Variants in CLK3 observed in about 807,000 individuals in gnomAD.
CLK3 encodes dual specificity protein kinase CLK3.
CLK3 carries 24 observed loss-of-function variants against 65.2 expected under a neutral mutation model. The ratio of observed to expected loss-of-function variants is 0.37; its 90% confidence interval spans 0.27 to 0.52. CLK3 has a LOEUF of 0.52. CLK3 is among the 20% of genes least tolerant of loss of function. The pLI, the probability that CLK3 is intolerant of heterozygous loss-of-function variation, is 0.92. For synonymous variants in CLK3, 252 were observed against 240.8 expected, an observed-to-expected ratio of 1.05 and a Z score of -0.43; for missense variants, 506 against 660.0, an observed-to-expected ratio of 0.77 and a Z score of 2.56.
At chr15:74,614,307 T>C (rs139342445), upstream of CLK3, among the ~76,000 whole-genome samples, 5 of 152,268 alleles carry the variant, frequency 3.3e-5, no homozygotes, top group African/African-American at 9.6e-5. Flanking sequence ...ACCACCGCGC[T>C]TGGCCGATTT....
chr15:74,614,257 T>C (rs751174252), upstream of CLK3, among the ~76,000 whole-genome samples: 11 of 152,130 alleles, frequency 7.2e-5, no homozygotes, highest in Non-Finnish European at 1.5e-4. Context: ...CAGGTGATCA[T>C]CCACCTCAGC....
rs753682825 is a variant in CLK3, at chr15:74,620,142, C to A, written c.286C>A (p.Arg96=). The change falls in exon 3 of 13, where the codon CGG becomes AGG. Residue 96 remains arginine (R), a synonymous_variant. Transcript: ENST00000395066. ...PSRSRHRRRS[R]ERGPYRTRKH... Reference sequence around the variant, plus strand: ...ACGTTCTCGTCATCGTCGGCGATCGCGGGAGAGGGGGCCATACCGGACCCG... The same window carrying A: ...ACGTTCTCGTCATCGTCGGCGATCGAGGGAGAGGGGGCCATACCGGACCCG... 9 of 1,614,098 alleles carry A rather than the reference C, an allele frequency of 5.6e-6. No individual in the cohort carries two copies. The South Asian group carries it at 9.9e-5, about 18-fold the overall frequency.
chr15:74,617,309 T>C (rs374654463), intron 1 of CLK3, among the ~76,000 whole-genome samples: 114 of 152,356 alleles, frequency 7.5e-4, no homozygotes, highest in African/African-American at 2.6e-3. Flanking sequence ...AAGGGACTTA[T>C]AAAATGTCTG....
At chr15:74,615,642 G>C, upstream of CLK3, 1 of 1,251,032 alleles carries the variant, frequency 8.0e-7, no homozygotes, top group Non-Finnish European at 1.0e-6. Flanking sequence ...GGCGGGCCGG[G>C]CCAGGCTCGT....
upstream of CLK3, among the ~76,000 whole-genome samples, chr15:74,612,996 G>A (rs1351475597): frequency 6.6e-6 from 1 of 152,230 alleles, no homozygotes; most frequent in Non-Finnish European, 1.5e-5. Context: ...CTGAGCAGGG[G>A]GGCAGGCCAG....
upstream of CLK3, chr15:74,615,755 C>G: frequency 8.1e-7 from 1 of 1,239,186 alleles, no homozygotes; most frequent in Non-Finnish European, 1.0e-6. Flanking sequence ...AGCGGCCAGG[C>G]CTCCGAGCCG....
Position 74,617,462 on chromosome 15 carries a change from T to G in CLK3, c.-1+1564T>G, listed in dbSNP as rs2141537371. 2.0e-5 allele frequency among the ~76,000 whole-genome samples: 3 copies of G among 152,254 alleles called. No individual in the cohort carries two copies. In the East Asian group the frequency reaches 5.8e-4, roughly 29 times the overall value. On this transcript the variant is annotated intron_variant, in intron 1 of 12. Coordinates refer to ENST00000395066, the MANE Select transcript of CLK3 (RefSeq NM_001130028.2). Reference sequence around the variant, plus strand: ...GATATTTAATCCTCACAGAACCTTGTAAGAGATTACTATTCCCTTGTTGCA... The same window carrying G: ...GATATTTAATCCTCACAGAACCTTGGAAGAGATTACTATTCCCTTGTTGCA...
intron 2 of CLK3, among the ~76,000 whole-genome samples, chr15:74,619,741 A>G (rs2141540525): frequency 6.6e-6 from 1 of 152,266 alleles, no homozygotes; most frequent in South Asian, 2.1e-4. Context: ...GAACTCTGGA[A>G]GGGTATAGAA....
upstream of CLK3, among the ~76,000 whole-genome samples, chr15:74,612,422 C>T (rs1256555508): frequency 6.6e-6 from 1 of 152,108 alleles, no homozygotes; most frequent in African/African-American, 2.4e-5. Context: ...GTGTTGCCAT[C>T]CCTACACCCC....
chr15:74,614,202 C>T (rs1263223640), upstream of CLK3, among the ~76,000 whole-genome samples: 1 of 152,122 alleles, frequency 6.6e-6, no homozygotes, highest in Non-Finnish European at 1.5e-5. Context: ...TTAGTAGAGA[C>T]GGGGTTTCGC....
chr15:74,627,696 G>T lies in CLK3; in HGVS notation c.1042+28G>T, dbSNP rs764745640. The T allele has an allele frequency of 1.9e-6, 3 of 1,612,944 alleles. No homozygotes were observed. The South Asian group carries it at 3.3e-5, about 18-fold the overall frequency. Reference sequence around the variant, plus strand: ...GAGTGACTGTATGGCCTGTGACCTTGTCATACTGGACTGTTGTTGGGAGGG... The same window carrying T: ...GAGTGACTGTATGGCCTGTGACCTTTTCATACTGGACTGTTGTTGGGAGGG... On this transcript the variant is annotated intron_variant, in intron 9 of 12. Coordinates refer to ENST00000395066, the MANE Select transcript of CLK3 (RefSeq NM_001130028.2). The surrounding 1 kb of genome is among the most constrained non-coding windows in gnomAD (Gnocchi z 4.3).
At chr15:74,615,807 C>T (rs1285666414), upstream of CLK3, 1 of 1,244,886 alleles carries the variant, frequency 8.0e-7, no homozygotes, top group Non-Finnish European at 1.0e-6. Context: ...CGCGAGGGGG[C>T]GGGGCTGCCA....
At chr15:74,628,581 G>A (rs1459387033) in intron 10 of CLK3, 23 bp from the exon 11 acceptor site, 9 of 1,593,340 alleles carry the variant, frequency 5.6e-6, no homozygotes, top group Non-Finnish European at 7.7e-6. Context: ...TGACCCCCTT[G>A]CACTGTCCCT....
Position 74,624,546 on chromosome 15 carries a change from T to TCATTA in CLK3, c.534-356_534-355insCATTA. 4.9e-6 allele frequency: 1 copy of TCATTA among 203,950 alleles called. No homozygotes were observed. Among genetic ancestry groups the TCATTA allele is most frequent in the Admixed American group, 6.0e-5 (1 of 16,792 alleles). 12.6% of individuals were successfully genotyped at this position (203,950 alleles called of 1,614,324 possible). A position where few individuals can be genotyped will look rare whatever the true frequency, so the allele number is the denominator to read the frequency against. The stretch of plus-strand genomic sequence containing the variant: ...CTCGGTGGGACAGCCTGGCCAGGGT[T>TCATTA]GGGGCTGCCTGGCCTATAGGTTAGG... On this transcript the variant is annotated intron_variant, in intron 5 of 12. Coordinates refer to ENST00000395066, the MANE Select transcript of CLK3 (RefSeq NM_001130028.2). The surrounding 1 kb of genome is among the most constrained non-coding windows in gnomAD (Gnocchi z 4.2).
chr15:74,619,073 G>A, intron 1 of CLK3, 124 bp from the exon 2 acceptor site: 1 of 1,164,264 alleles, frequency 8.6e-7, no homozygotes, highest in Non-Finnish European at 1.2e-6. Context: ...ATAAACCTCT[G>A]GGAGGGGCCG....
Position 74,628,590 on chromosome 15 carries a change from C to T in CLK3, c.1126-14C>T, listed in dbSNP as rs1163932499. ...TAGTACTGACCCCCTTGCACTGTCC[C>T]TAATCTTCCACAGACCCACGAAAAC... On this transcript the variant is annotated splice_polypyrimidine_tract_variant and intron_variant, in intron 10 of 12. Transcript: ENST00000395066. 5.0e-6 allele frequency: 8 copies of T among 1,609,070 alleles called. No individual in the cohort carries two copies. Among genetic ancestry groups the T allele is most frequent in the Non-Finnish European group, 6.8e-6 (8 of 1,176,550 alleles).
intron 7 of CLK3, among the ~76,000 whole-genome samples, chr15:74,626,462 T>C (rs796444304): frequency 1.3e-5 from 2 of 152,354 alleles, no homozygotes; most frequent in African/African-American, 4.8e-5. Flanking sequence ...CTTGGTGAAG[T>C]TGGTAGGCGT....
intron 12 of CLK3, 61 bp downstream of exon 12, chr15:74,629,093 G>C (rs755368014): frequency 7.9e-7 from 1 of 1,264,464 alleles, no homozygotes; most frequent in Admixed American, 1.7e-5. Flanking sequence ...GCACTGGGCA[G>C]ACATACAGCA....
At chr15:74,612,120 T>C (rs1213107423), upstream of CLK3, among the ~76,000 whole-genome samples, 1 of 152,184 alleles carries the variant, frequency 6.6e-6, no homozygotes, top group African/African-American at 2.4e-5. Context: ...TGAGGGGAAA[T>C]TGGTGCCCAA....
Sources: gnomAD v4.1 joint callset for allele counts (sites outside exome capture counted in the v4.1 genomes callset) on GRCh38, gnomAD v4.1.1 for gene constraint, Gnocchi (gnomAD v3.1) non-coding constraint, MANE v1.5 for transcripts, NCBI Gene and HGNC (gene_info 2026-07-23, HGNC 2026-07-21) for gene names.